The following PIK3AP1 variants were observed in gnomAD, a reference collection of about 807,000 sequenced individuals.
PIK3AP1 encodes phosphoinositide 3-kinase adapter protein 1.
PIK3AP1 carries 21 observed loss-of-function variants against 88.1 expected under a neutral mutation model. The ratio of observed to expected loss-of-function variants is 0.24; its 90% CI spans 0.17 to 0.34. The LOEUF (loss-of-function observed/expected upper bound fraction) is 0.34. Among genes scored for constraint, PIK3AP1 ranks in the 10% least tolerant of loss-of-function variants. PIK3AP1 has a pLI of 1.00. For synonymous variants in PIK3AP1, 398 were observed against 400.0 expected (o/e 1.00, Z 0.06); for missense variants, 828 against 1,035.7 (o/e 0.80, Z 2.75).
At chr10:96,608,929 CTCAA>C (rs1273300849) in intron 14 of PIK3AP1, among the ~76,000 whole-genome samples, 2 of 152,204 alleles carry the variant, frequency 1.3e-5, no homozygotes, top group Non-Finnish European at 2.9e-5. Context: ...AGAAGAGAAA[CTCAA>C]TCTATGTGGC....
At chr10:96,657,389 T>C (rs1843629648) in intron 2 of PIK3AP1, among the ~76,000 whole-genome samples, 1 of 152,168 alleles carries the variant, frequency 6.6e-6, no homozygotes. Flanking sequence ...GGGTTATGGC[T>C]AGCCAATGTA....
chr10:96,704,716 C>G (rs1026709796), intron 2 of PIK3AP1, among the ~76,000 whole-genome samples: 2 of 149,696 alleles, frequency 1.3e-5, no homozygotes, highest in East Asian at 3.9e-4. Context: ...GAGACTCTAT[C>G]TCAAAAAGAA....
chr10:96,681,831 G>C (rs1206940338), intron 2 of PIK3AP1, among the ~76,000 whole-genome samples: 1 of 152,150 alleles, frequency 6.6e-6, no homozygotes, highest in African/African-American at 2.4e-5. Context: ...GTATCACAGA[G>C]TGACTATGCC....
chr10:96,646,117 G>A (rs898279279), intron 7 of PIK3AP1, among the ~76,000 whole-genome samples: 3 of 152,052 alleles, frequency 2.0e-5, no homozygotes, highest in Admixed American at 6.5e-5. Flanking sequence ...AAAATTAGCC[G>A]GGCATGGTGG....
intron 6 of PIK3AP1, among the ~76,000 whole-genome samples, chr10:96,649,587 T>C (rs1843509314): frequency 6.6e-6 from 1 of 152,236 alleles, no homozygotes; most frequent in Non-Finnish European, 1.5e-5. Flanking sequence ...TCTTAGCCCT[T>C]ATTCCTAATT....
intron 2 of PIK3AP1, among the ~76,000 whole-genome samples, chr10:96,657,255 G>A (rs570164116): frequency 1.3e-5 from 2 of 152,264 alleles, no homozygotes; most frequent in South Asian, 2.1e-4. Flanking sequence ...CAGGGATGAA[G>A]AGGAGTGAGG....
chr10:96,595,701 A>G, intron 16 of PIK3AP1, 67 bp from the exon 17 acceptor site: 1 of 1,509,352 alleles, frequency 6.6e-7, no homozygotes, highest in Non-Finnish European at 9.1e-7. Flanking sequence ...AGGAATGCAC[A>G]ATTTGTTGCA....
At chr10:96,609,500 A>G (rs1169468362) in intron 14 of PIK3AP1, among the ~76,000 whole-genome samples, 1 of 152,240 alleles carries the variant, frequency 6.6e-6, no homozygotes, top group Admixed American at 6.5e-5. Flanking sequence ...GAAAAGGGCC[A>G]GAGTAATAAT....
intron 13 of PIK3AP1, among the ~76,000 whole-genome samples, chr10:96,610,915 T>TATAC: frequency 6.6e-6 from 1 of 152,276 alleles, no homozygotes; most frequent in East Asian, 1.9e-4. Context: ...CAGCGGTGGC[T>TATAC]ATACAAACTT....
chr10:96,649,549 G>A (rs568518675), intron 6 of PIK3AP1, among the ~76,000 whole-genome samples: 14 of 152,268 alleles, frequency 9.2e-5, no homozygotes, highest in African/African-American at 2.4e-4. Flanking sequence ...CTATTGTTTC[G>A]TGCTGATTAA....
intron 8 of PIK3AP1, among the ~76,000 whole-genome samples, chr10:96,628,881 T>TACACACAAAC (rs150595125): frequency 1.1e-5 from 1 of 88,752 alleles, no homozygotes; most frequent in Non-Finnish European, 2.2e-5. Flanking sequence ...TACACATATA[T>TACACACAAAC]ATATATACAT....
chr10:96,636,535 C>T (rs931105614), intron 8 of PIK3AP1, among the ~76,000 whole-genome samples: 2 of 152,134 alleles, frequency 1.3e-5, no homozygotes, highest in African/African-American at 4.8e-5. Context: ...TGTTTCTAGA[C>T]AAAGAGCATT....
intron 2 of PIK3AP1, among the ~76,000 whole-genome samples, chr10:96,668,986 G>A (rs1470881999): frequency 6.6e-6 from 1 of 152,120 alleles, no homozygotes; most frequent in African/African-American, 2.4e-5. Context: ...ACAAAAATTT[G>A]CCAGGCGTGG....
At chr10:96,697,843 GT>G (rs1170311300) in intron 2 of PIK3AP1, among the ~76,000 whole-genome samples, 1 of 152,132 alleles carries the variant, frequency 6.6e-6, no homozygotes, top group Non-Finnish European at 1.5e-5. Flanking sequence ...ACTATCAACA[GT>G]TTTTTGTATA....
intron 3 of PIK3AP1, among the ~76,000 whole-genome samples, chr10:96,655,049 T>C (rs1161246336): frequency 2.0e-5 from 3 of 152,200 alleles, no homozygotes; most frequent in Non-Finnish European, 2.9e-5. Flanking sequence ...TATGCCTAAC[T>C]TTTTAAAATA....
chr10:96,678,898 G>C (rs1190737945), intron 2 of PIK3AP1, among the ~76,000 whole-genome samples: 5 of 152,086 alleles, frequency 3.3e-5, no homozygotes, highest in East Asian at 1.9e-4. Flanking sequence ...GGGAAGAGGA[G>C]AGCGACCCAC....
At chr10:96,611,410 T>C (rs1240827620) in intron 13 of PIK3AP1, among the ~76,000 whole-genome samples, 2 of 152,036 alleles carry the variant, frequency 1.3e-5, no homozygotes, top group Admixed American at 1.3e-4. Flanking sequence ...CCCCACAGTA[T>C]CTTAGAGACC....
At chr10:96,715,265 C>T (rs1844487270) in intron 1 of PIK3AP1, among the ~76,000 whole-genome samples, 1 of 152,148 alleles carries the variant, frequency 6.6e-6, no homozygotes, top group Non-Finnish European at 1.5e-5. Context: ...CTCCTCAAGA[C>T]TGTCAAAGCC....
At chr10:96,627,057 C>CA (rs1843164475) in intron 9 of PIK3AP1, 152 bp from the exon 10 acceptor site, 1 of 696,674 alleles carries the variant, frequency 1.4e-6, no homozygotes, top group Admixed American at 2.4e-5. Context: ...ATCGTCTGCT[C>CA]AGAACACCAC....
Sources: allele counts gnomAD v4.1 joint callset (sites outside exome capture counted in the v4.1 genomes callset), GRCh38; gene constraint gnomAD v4.1.1; transcripts MANE v1.5; gene names NCBI Gene and HGNC (gene_info 2026-07-23, HGNC 2026-07-21).